SPOCK1: variants seen among roughly 807,000 people sequenced by gnomAD.
The protein encoded by SPOCK1 is SPARC (osteonectin), cwcv and kazal like domains proteoglycan 1.
A neutral mutation model predicts 55.3 loss-of-function variants in SPOCK1; 23 were observed. The ratio of observed to expected loss-of-function variants is 0.42; its 90% CI spans 0.30 to 0.59. The LOEUF (loss-of-function observed/expected upper bound fraction) is 0.59, where lower values mean the gene tolerates loss of function less well. SPOCK1 is among the 20% of genes least tolerant of loss of function. The pLI is 0.22. For missense variants in SPOCK1, 499 were observed against 552.5 expected (o/e 0.90, Z 0.97); for synonymous variants, 226 against 221.0 (o/e 1.02, Z -0.20).
intron 3 of SPOCK1, among the ~76,000 whole-genome samples, chr5:137,147,242 C>T (rs1754215070): frequency 6.6e-6 from 1 of 151,894 alleles, no homozygotes; most frequent in African/African-American, 2.4e-5. Context: ...TTTTGGTATA[C>T]ATAAAAATTA....
At chr5:137,055,884 G>T (rs115883364) in intron 6 of SPOCK1, among the ~76,000 whole-genome samples, 2,051 of 152,220 alleles carry the variant, frequency 0.013, 54 homozygotes, top group African/African-American at 0.046. Flanking sequence ...GCCTGAGGTC[G>T]TGCCCCAGAA....
intron 2 of SPOCK1, among the ~76,000 whole-genome samples, chr5:137,497,414 C>A (rs1014110708): frequency 6.6e-6 from 1 of 152,180 alleles, no homozygotes; most frequent in Non-Finnish European, 1.5e-5. Context: ...ATATTTAAGG[C>A]TTCTCAGAAA....
At chr5:137,268,416 G>A (rs1756898301) in intron 2 of SPOCK1, among the ~76,000 whole-genome samples, 1 of 152,172 alleles carries the variant, frequency 6.6e-6, no homozygotes, top group South Asian at 2.1e-4. Flanking sequence ...TCTGGTTAGG[G>A]AGTCTTTGAG....
chr5:137,024,315 G>GGCGGGT (rs757163501), intron 6 of SPOCK1, among the ~76,000 whole-genome samples: 4 of 8,320 alleles, frequency 4.8e-4, no homozygotes, highest in Non-Finnish European at 3.4e-3. Flanking sequence ...CCAGTTTGAA[G>GGCGGGT]GGGGGGGGGT....
chr5:137,180,151 C>A (rs1378422852), intron 3 of SPOCK1, among the ~76,000 whole-genome samples: 1 of 152,156 alleles, frequency 6.6e-6, no homozygotes, highest in African/African-American at 2.4e-5. Flanking sequence ...CCTCTAGCAC[C>A]TGCCTCCTAA....
intron 2 of SPOCK1, among the ~76,000 whole-genome samples, chr5:137,431,766 C>G (rs1254683708): frequency 6.6e-6 from 1 of 152,226 alleles, no homozygotes; most frequent in Non-Finnish European, 1.5e-5. Context: ...GACCTTCTCA[C>G]TATGTTATGA....
At chr5:137,169,659 T>TAG (rs966419387) in intron 3 of SPOCK1, among the ~76,000 whole-genome samples, 2 of 152,190 alleles carry the variant, frequency 1.3e-5, no homozygotes, top group Non-Finnish European at 2.9e-5. Context: ...CACCAACATT[T>TAG]AGAGAACATC....
intron 5 of SPOCK1, among the ~76,000 whole-genome samples, chr5:137,110,533 C>T (rs1401433752): frequency 6.6e-6 from 1 of 152,224 alleles, no homozygotes; most frequent in African/African-American, 2.4e-5. Context: ...AAATCCACCA[C>T]TCCAGACATG....
At chr5:137,203,182 A>G (rs141062299) in intron 3 of SPOCK1, among the ~76,000 whole-genome samples, 1 of 152,184 alleles carries the variant, frequency 6.6e-6, no homozygotes, top group Admixed American at 6.6e-5. Flanking sequence ...TAATGCTCTA[A>G]ATGTGGTAAC....
intron 2 of SPOCK1, among the ~76,000 whole-genome samples, chr5:137,434,842 A>ATAT (rs1752826868): frequency 2.0e-5 from 3 of 152,276 alleles, no homozygotes; most frequent in South Asian, 2.1e-4. Flanking sequence ...TCAGTAGCCT[A>ATAT]CAGAATTTGT....
At chr5:137,125,830 C>T (rs143797938) in intron 4 of SPOCK1, among the ~76,000 whole-genome samples, 101 of 152,168 alleles carry the variant, frequency 6.6e-4, no homozygotes, top group African/African-American at 2.0e-3. Context: ...AGAGGCTGGA[C>T]GAGTCTGAAT....
At chr5:137,117,480 C>T (rs569881548) in intron 4 of SPOCK1, among the ~76,000 whole-genome samples, 1 of 152,220 alleles carries the variant, frequency 6.6e-6, no homozygotes, top group Non-Finnish European at 1.5e-5. Flanking sequence ...CTATGTACTC[C>T]TTAAGAGAGG....
intron 2 of SPOCK1, among the ~76,000 whole-genome samples, chr5:137,480,449 T>C (rs923698934): frequency 6.6e-6 from 1 of 152,228 alleles, no homozygotes; most frequent in African/African-American, 2.4e-5. Context: ...AATCCTATTA[T>C]GTGGCCTTCC....
intron 3 of SPOCK1, among the ~76,000 whole-genome samples, chr5:137,177,824 G>A (rs894450180): frequency 6.6e-6 from 1 of 151,848 alleles, no homozygotes; most frequent in Non-Finnish European, 1.5e-5. Flanking sequence ...ATCTCTAGGG[G>A]AGAGGGGGTG....
chr5:137,337,235 G>A (rs1470020523), intron 2 of SPOCK1, among the ~76,000 whole-genome samples: 2 of 152,190 alleles, frequency 1.3e-5, no homozygotes, highest in East Asian at 3.8e-4. Flanking sequence ...GACCCCATTT[G>A]GCAGATACAT....
At chr5:137,119,989 T>C (rs1293547437) in intron 4 of SPOCK1, among the ~76,000 whole-genome samples, 2 of 151,796 alleles carry the variant, frequency 1.3e-5, no homozygotes, top group Non-Finnish European at 2.9e-5. Flanking sequence ...AGGGAGGTGG[T>C]GAGTTGGGGA....
At chr5:137,154,184 G>A (rs1401255062) in intron 3 of SPOCK1, among the ~76,000 whole-genome samples, 2 of 152,158 alleles carry the variant, frequency 1.3e-5, no homozygotes, top group African/African-American at 4.8e-5. Context: ...CTACTCAGGA[G>A]ACTGAGGCAG....
intron 2 of SPOCK1, among the ~76,000 whole-genome samples, chr5:137,388,292 A>G (rs1269333350): frequency 2.0e-5 from 3 of 152,104 alleles, no homozygotes; most frequent in Admixed American, 1.3e-4. Context: ...CGCAAACTAT[A>G]TAAGCACATG....
At chr5:137,457,667 T>C (rs1267219285) in intron 2 of SPOCK1, among the ~76,000 whole-genome samples, 8 of 152,166 alleles carry the variant, frequency 5.3e-5, no homozygotes, top group Non-Finnish European at 1.5e-5. Flanking sequence ...CTTGTTTGAG[T>C]ACCAACTATG....
Sources: allele counts gnomAD v4.1 joint callset (sites outside exome capture counted in the v4.1 genomes callset), GRCh38; gene constraint gnomAD v4.1.1; transcripts MANE v1.5; gene names NCBI Gene and HGNC (gene_info 2026-07-23, HGNC 2026-07-21).